Variants in ZNF106 observed in about 807,000 individuals in gnomAD.
The protein encoded by ZNF106 is SH3-domain binding protein 3.
In ZNF106, 67 loss-of-function variants were observed where a neutral mutation model predicts 195.1. The observed-to-expected ratio is 0.34, with a 90% CI of 0.28 to 0.42. The LOEUF (loss-of-function observed/expected upper bound fraction) is 0.42, where lower values mean the gene tolerates loss of function less well. ZNF106 is among the 10% of genes least tolerant of loss of function. ZNF106 has a pLI of 1.00. For synonymous variants in ZNF106, 784 were observed against 818.6 expected, an observed-to-expected ratio of 0.96 and a Z score of 0.72; for missense variants, 2,118 against 2,304.5, an observed-to-expected ratio of 0.92 and a Z score of 1.66.
rs996386687 is a variant in ZNF106 at position 42,424,740 on chromosome 15, A to G, written c.5190+94T>C. 10 of 1,321,712 alleles carry G rather than the reference A, an allele frequency of 7.6e-6. No homozygotes were observed. In the Admixed American group the frequency reaches 1.4e-4, roughly 19 times the overall value. 81.9% of individuals were successfully genotyped at this position (1,321,712 alleles called of 1,614,324 possible). A position where few individuals can be genotyped will look rare whatever the true frequency, so the allele number is the denominator to read the frequency against. ...AGCGATCCCCCTGCCTCACCCTCCC[A>G]AAGTGCTGGGACTACAGACGTGAGC... On this transcript the variant is annotated intron_variant, in intron 16 of 21. Coordinates refer to ENST00000564754, the MANE Select transcript of ZNF106 (RefSeq NM_001366845.3).
Position 42,466,037 on chromosome 15 carries a change from A to G in ZNF106, c.116+16T>C. ...ACCCACATTCACAAACTTATGGAAG[A>G]GAGCCGTTCCCATACCTGCCCTTGA... On this transcript the variant is annotated intron_variant, in intron 3 of 21. Transcript: ENST00000564754. The G allele has an allele frequency of 6.5e-7, 1 of 1,529,364 alleles. No homozygotes were observed. The highest frequency in any genetic ancestry group is 1.2e-5 in the South Asian group (1 of 82,646). The allele number at this position is 1,529,364 out of a possible 1,614,324, so 94.7% of individuals were successfully genotyped here. A position where few individuals can be genotyped will look rare whatever the true frequency, so the allele number is the denominator to read the frequency against.
intron 20 of ZNF106, 148 bp downstream of exon 20, chr15:42,420,912 CG>C: frequency 1.5e-6 from 1 of 672,630 alleles, no homozygotes; most frequent in Non-Finnish European, 2.6e-6. Flanking sequence ...AAACCACCAC[CG>C]AGGAGACAAC....
chr15:42,442,004 T>C, intron 10 of ZNF106, 69 bp downstream of exon 10: 3 of 1,274,766 alleles, frequency 2.4e-6, no homozygotes, highest in Non-Finnish European at 3.3e-6. Context: ...GTATGGCTTA[T>C]ATCACTCATA....
intron 1 of ZNF106, among the ~76,000 whole-genome samples, chr15:42,479,372 C>A (rs765144281): frequency 6.6e-6 from 1 of 150,400 alleles, no homozygotes; most frequent in South Asian, 2.1e-4. Flanking sequence ...GAAACTGTCT[C>A]AAAAAAAAAT....
chr15:42,459,819 T>C (rs2141386261), intron 3 of ZNF106, among the ~76,000 whole-genome samples: 1 of 152,028 alleles, frequency 6.6e-6, no homozygotes, highest in Non-Finnish European at 1.5e-5. Flanking sequence ...GGTGGGTGGA[T>C]CACGAGGTCA....
intron 1 of ZNF106, among the ~76,000 whole-genome samples, chr15:42,477,789 C>T (rs941425517): frequency 2.6e-5 from 4 of 151,970 alleles, no homozygotes; most frequent in Admixed American, 2.6e-4. Flanking sequence ...ACTCGGGAGG[C>T]TGAGGCAGGA....
rs767084661 is a variant in ZNF106 at position 42,448,062 on chromosome 15, T to C, written c.3135+10A>G. 1.9e-6 allele frequency: 3 copies of C among 1,600,434 alleles called. No individual in the cohort carries two copies. In the African/African-American group the frequency reaches 4.0e-5, roughly 21 times the overall value. The stretch of plus-strand genomic sequence containing the variant: ...GATGTTCTACAAAAAGCAGAGGGAA[T>C]TATACTCACTCCAGTGGCTCTTCGT... On this transcript the variant is annotated intron_variant, in intron 6 of 21. Transcript: ENST00000564754.
intron 7 of ZNF106, 27 bp downstream of exon 7, chr15:42,446,562 T>C: frequency 1.3e-6 from 2 of 1,565,932 alleles, no homozygotes; most frequent in Non-Finnish European, 1.7e-6. Flanking sequence ...CACCAACTTC[T>C]TTCTTCCAAA....
rs199891076 is a variant in ZNF106, at chr15:42,451,937, T to C, written c.335A>G (p.Asn112Ser). The C allele has an allele frequency of 3.7e-6, 6 of 1,610,206 alleles. No individual in the cohort carries two copies. The highest frequency in any genetic ancestry group is 3.4e-6 in the Non-Finnish European group (4 of 1,178,166). The change falls in exon 5 of 22, where the codon AAT (asparagine) becomes AGT (serine). Residue 112 changes from asparagine (N) to serine (S), a missense_variant. Coordinates refer to ENST00000564754, the MANE Select transcript of ZNF106 (RefSeq NM_001366845.3). ...ATCAGAGTTTATTTCTTGGTTGCTA[T>C]TGGAAGGTTCATCTTGTCTGGAAGA... ...KEQSRQDEPS[N>S]SNQEINSDDR...
At chr15:42,478,701 G>A (rs1173558785) in intron 1 of ZNF106, among the ~76,000 whole-genome samples, 4 of 151,486 alleles carry the variant, frequency 2.6e-5, no homozygotes, top group Admixed American at 6.6e-5. Flanking sequence ...TAGTAGAGAC[G>A]GGGTTTCACC....
Position 42,414,522 on chromosome 15 carries a change from GC to G in ZNF106, c.*2781del, listed in dbSNP as rs1341877726. 2.0e-5 allele frequency: 3 copies of G among 152,192 alleles called. No homozygotes were observed. The South Asian group carries it at 6.2e-4, about 32-fold the overall frequency. 9.4% of individuals were successfully genotyped at this position (152,192 alleles called of 1,614,324 possible). On this transcript the variant is annotated 3_prime_UTR_variant, in exon 22 of 22. Coordinates refer to ENST00000564754, the MANE Select transcript of ZNF106 (RefSeq NM_001366845.3). Reference sequence around the variant, plus strand: ...CGTACACATACATACAAAGGAACCTGCACACTTGCACACACACAGGCAGGTA... The same window carrying G: ...CGTACACATACATACAAAGGAACCTGACACTTGCACACACACAGGCAGGTA...
chr15:42,437,099 T>C (rs2055305896), intron 13 of ZNF106, 133 bp downstream of exon 13: 1 of 869,254 alleles, frequency 1.2e-6, no homozygotes, highest in Non-Finnish European at 1.7e-6. Flanking sequence ...CTGGATTAAA[T>C]GCATCTAAAG....
intron 14 of ZNF106, among the ~76,000 whole-genome samples, chr15:42,434,467 C>A (rs761586628): frequency 2.0e-5 from 3 of 152,170 alleles, no homozygotes; most frequent in African/African-American, 4.8e-5. Flanking sequence ...AAAATTATAA[C>A]AAGCTAGTTC....
chr15:42,445,227 A>T (rs780978782), intron 7 of ZNF106, among the ~76,000 whole-genome samples: 5 of 152,206 alleles, frequency 3.3e-5, no homozygotes, highest in Non-Finnish European at 5.9e-5. Context: ...TGTCTCATCT[A>T]ATCACCGCCT....
chr15:42,457,181 G>C, intron 3 of ZNF106, 23 bp from the exon 4 acceptor site: 2 of 1,613,992 alleles, frequency 1.2e-6, no homozygotes, highest in Non-Finnish European at 1.7e-6. Context: ...GGAGATGAGG[G>C]ACATTCAATT....
Position 42,442,206 on chromosome 15 carries a change from A to G in ZNF106, c.3630T>C (p.His1210=). Residue 1210 remains histidine (H), a synonymous_variant, in exon 10 of 22, where the codon CAT becomes CAC. Transcript: ENST00000564754. ...ATGAGTCTGGAGCAGGGACACTGCC[A>G]TGGGTTTGGAAAGTAGGAGACGTGG... is the stretch of plus-strand genomic sequence containing the variant. ...QITTSPTFQT[H]GSVPAPDSSV... is the part of the protein sequence containing the mutation. The G allele has an allele frequency of 6.2e-7, 1 of 1,614,178 alleles. No individual in the cohort carries two copies. Among genetic ancestry groups the G allele is most frequent in the Non-Finnish European group, 8.5e-7 (1 of 1,180,024 alleles).
chr15:42,464,543 T>C (rs1442428672), intron 3 of ZNF106, among the ~76,000 whole-genome samples: 1 of 148,726 alleles, frequency 6.7e-6, no homozygotes, highest in Non-Finnish European at 1.5e-5. Flanking sequence ...TTTTTTTTTT[T>C]TTTGATACAG....
Position 42,413,294 on chromosome 15 carries a change from C to T in ZNF106, c.*4010G>A, listed in dbSNP as rs1392357202. The T allele has an allele frequency of 6.6e-6, 1 of 152,210 alleles. No homozygotes were observed. Among genetic ancestry groups the T allele is most frequent in the Non-Finnish European group, 1.5e-5 (1 of 68,034 alleles). 9.4% of individuals were successfully genotyped at this position (152,210 alleles called of 1,614,324 possible). A position where few individuals can be genotyped will look rare whatever the true frequency, so the allele number is the denominator to read the frequency against. ...CTATCCCAAATCACCTCCACCACAA[C>T]TTCTATTCCTGTCTATTAGACCACT... On this transcript the variant is annotated 3_prime_UTR_variant, in exon 22 of 22. Transcript: ENST00000564754.
chr15:42,443,654 C>T (rs545052823), intron 9 of ZNF106, among the ~76,000 whole-genome samples: 1 of 151,850 alleles, frequency 6.6e-6, no homozygotes, highest in East Asian at 1.9e-4. Context: ...TGCTTGAGCC[C>T]AGGAGGTCAA....
Sources: gnomAD v4.1 joint callset for allele counts (sites outside exome capture counted in the v4.1 genomes callset) on GRCh38, gnomAD v4.1.1 for gene constraint, MANE v1.5 for transcripts, NCBI Gene and HGNC (gene_info 2026-07-23, HGNC 2026-07-21) for gene names.